The following WDR20 variants were observed in gnomAD, a reference collection of about 807,000 sequenced individuals.
WDR20 encodes the protein WD repeat-containing protein 20.
WDR20 carries 3 observed loss-of-function variants against 38.7 expected under a neutral mutation model. The observed-to-expected ratio is 0.08, with a 90% confidence interval of 0.04 to 0.20. The LOEUF is 0.20. Among genes scored for constraint, WDR20 ranks in the 10% least tolerant of loss-of-function variants. The pLI is 1.00. For missense variants in WDR20, 559 were observed against 727.7 expected, an observed-to-expected ratio of 0.77 and a Z score of 2.67; for synonymous variants, 298 against 285.6, an observed-to-expected ratio of 1.04 and a Z score of -0.44.
At chr14:102,178,053 A>G (rs1211817862) in intron 1 of WDR20, among the ~76,000 whole-genome samples, 1 of 152,078 alleles carries the variant, frequency 6.6e-6, no homozygotes, top group Admixed American at 6.6e-5. Flanking sequence ...ATGAGTTTGT[A>G]TCTTTTGTAG....
In WDR20 at chr14:102,207,142, T is replaced by TA. The variant is rs1315053862; in HGVS notation, c.433-1460dup. On this transcript the variant is annotated intron_variant, in intron 2 of 2. Coordinates refer to ENST00000342702, the MANE Select transcript of WDR20 (RefSeq NM_144574.4). This position sits in a 1 kb window ranked among gnomAD's most constrained non-coding sequence, Gnocchi z 5.0. ...TTTAAGAGGACCAGCCATGCCGTTT[T>TA]ACGGCAGTAAGCAGTGACACCTGCT... is the stretch of plus-strand genomic sequence containing the variant. Among the ~76,000 whole-genome samples the TA allele has an allele frequency of 6.6e-6, 1 of 152,242 alleles. No individual in the cohort carries two copies. The highest frequency in any genetic ancestry group is 1.5e-5 in the Non-Finnish European group (1 of 68,044).
chr14:102,195,687 T>C (rs1672841080), intron 2 of WDR20, among the ~76,000 whole-genome samples: 1 of 152,274 alleles, frequency 6.6e-6, no homozygotes, highest in Non-Finnish European at 1.5e-5. Flanking sequence ...CTGGGGTTTC[T>C]AGTATCTTCA....
chr14:102,163,991 G>A (rs1407940721), intron 1 of WDR20, among the ~76,000 whole-genome samples: 1 of 152,118 alleles, frequency 6.6e-6, no homozygotes, highest in Non-Finnish European at 1.5e-5. Flanking sequence ...GGCATTATTA[G>A]CTCAGCTAAT....
At chr14:102,167,261 G>A (rs1036396666) in intron 1 of WDR20, 1 of 152,166 alleles carries the variant, frequency 6.6e-6, no homozygotes, top group African/African-American at 2.4e-5. Context: ...CTTCCAGGCT[G>A]GAGTGCAGTG....
rs200682528 is a variant in WDR20 at position 102,222,928 on chromosome 14, G to A, written c.*45G>A. The A allele has an allele frequency of 1.2e-4, 190 of 1,612,302 alleles. No individual in the cohort carries two copies. In the African/African-American group the frequency reaches 2.4e-3, roughly 20 times the overall value. ...ACAGTCTCCCGGGACTTGGACTCGA[G>A]GGAGTGACGAGGAGGAGCTCCGAGC... On this transcript the variant is annotated 3_prime_UTR_variant, in exon 4 of 4. Coordinates refer to the WDR20 transcript ENST00000335263. The surrounding 1 kb of genome is among the most constrained non-coding windows in gnomAD (Gnocchi z 4.4).
intron 1 of WDR20, 42 bp downstream of exon 1, chr14:102,140,214 C>T (rs2050366814): frequency 6.2e-7 from 1 of 1,603,044 alleles, no homozygotes. Context: ...GCGGCGTAGG[C>T]AGAGGCCGGG....
downstream of WDR20, chr14:102,224,467 ATT>A: frequency 2.4e-6 from 1 of 410,670 alleles, no homozygotes; most frequent in Non-Finnish European, 4.8e-6. Flanking sequence ...AAGAATGTTT[ATT>A]TATTTTTTTA....
intron 1 of WDR20, among the ~76,000 whole-genome samples, chr14:102,183,068 GAGAA>G (rs2063742878): frequency 6.7e-6 from 1 of 150,152 alleles, no homozygotes; most frequent in Non-Finnish European, 1.5e-5. Flanking sequence ...CTCAGAGAGA[GAGAA>G]AAAAAAAGAA....
At chr14:102,197,875 T>TG (rs1167782494) in intron 2 of WDR20, 1 of 694,720 alleles carries the variant, frequency 1.4e-6, no homozygotes, top group African/African-American at 1.8e-5. Flanking sequence ...GAACTAGAGT[T>TG]GCGGCCATTG....
intron 1 of WDR20, among the ~76,000 whole-genome samples, chr14:102,170,092 A>T (rs2060513211): frequency 6.6e-6 from 1 of 152,210 alleles, no homozygotes; most frequent in African/African-American, 2.4e-5. Flanking sequence ...CCTTTATAAA[A>T]ATGCAAACTT....
intron 1 of WDR20, among the ~76,000 whole-genome samples, chr14:102,172,190 A>C (rs960221138): frequency 2.0e-5 from 3 of 151,120 alleles, no homozygotes; most frequent in African/African-American, 7.3e-5. Context: ...CTGAGTGGAC[A>C]CAGCACATGT....
chr14:102,224,177 GACTACA>G (rs2064155234), downstream of WDR20, among the ~76,000 whole-genome samples: 1 of 151,894 alleles, frequency 6.6e-6, no homozygotes, highest in African/African-American at 2.4e-5. Flanking sequence ...GAGTAGCTGG[GACTACA>G]GGCGCCCGCC....
chr14:102,195,810 T>C (rs2059317543), intron 2 of WDR20: 1 of 152,262 alleles, frequency 6.6e-6, no homozygotes, highest in Non-Finnish European at 1.5e-5. Flanking sequence ...TTAAAGCTGT[T>C]GGAGCATCTT....
At chr14:102,214,226 C>G, downstream of WDR20, 3 of 985,502 alleles carry the variant, frequency 3.0e-6, no homozygotes, top group Non-Finnish European at 3.6e-6. Flanking sequence ...GTCTACCACC[C>G]TGGCAGCAGC....
chr14:102,224,492 C>T (rs2064164774), downstream of WDR20: 1 of 441,888 alleles, frequency 2.3e-6, no homozygotes, highest in African/African-American at 2.0e-5. Context: ...AAATCATATA[C>T]AACTGGATCC....
rs111490098 is a variant in WDR20, at chr14:102,208,255, G to C, written c.433-348G>C. Among the ~76,000 whole-genome samples the C allele has an allele frequency of 1.3e-5, 2 of 152,322 alleles. No homozygotes were observed. Among genetic ancestry groups the C allele is most frequent in the African/African-American group, 4.8e-5 (2 of 41,580 alleles). On this transcript the variant is annotated intron_variant, in intron 2 of 2. Transcript: ENST00000342702. This position sits in a 1 kb window ranked among gnomAD's most constrained non-coding sequence, Gnocchi z 5.6. Reference sequence around the variant, plus strand: ...GCAGATGCAGTGACCCCCAGATTCAGATGCACCTACTGTCAAGGAAGAAAG... The same window carrying C: ...GCAGATGCAGTGACCCCCAGATTCACATGCACCTACTGTCAAGGAAGAAAG...
chr14:102,214,272 G>A (rs908848067), downstream of WDR20: 109 of 985,448 alleles, frequency 1.1e-4, no homozygotes, highest in African/African-American at 3.7e-4. Flanking sequence ...CACACCCTTC[G>A]CCACGGGCTG....
Position 102,209,965 on chromosome 14 carries a change from CACTTCTTATTCTTAATGT to C in WDR20, c.*87_*104del. Reference sequence around the variant, plus strand: ...TGGGGTGTACAATGAATGTGAATGACACTTCTTATTCTTAATGTAAATCTCAATGCATCAGAGCCATAA... The same window carrying C: ...TGGGGTGTACAATGAATGTGAATGACAAATCTCAATGCATCAGAGCCATAA... On this transcript the variant is annotated 3_prime_UTR_variant, in exon 3 of 3. Transcript: ENST00000342702. This position sits in a 1 kb window ranked among gnomAD's most constrained non-coding sequence, Gnocchi z 6.0. 1 of 1,498,568 alleles carries C rather than the reference CACTTCTTATTCTTAATGT, an allele frequency of 6.7e-7. No individual in the cohort carries two copies. The highest frequency in any genetic ancestry group is 1.4e-5 in the South Asian group (1 of 72,150). 92.8% of individuals were successfully genotyped at this position (1,498,568 alleles called of 1,614,324 possible).
rs1245400507 is a variant in WDR20, at chr14:102,209,775, A to G, written c.1605A>G (p.Arg535=). The G allele has an allele frequency of 6.2e-7, 1 of 1,614,008 alleles. No homozygotes were observed. The highest frequency in any genetic ancestry group is 8.5e-7 in the Non-Finnish European group (1 of 1,180,030). ...PLICKKIAHE[R]LTVLIFLEDC... ...TATGTAAAAAGATAGCACATGAGAGACTGACTGTACTAATATTTCTTGAAG... is the reference window on the plus strand; with the variant it reads ...TATGTAAAAAGATAGCACATGAGAGGCTGACTGTACTAATATTTCTTGAAG... Residue 535 remains arginine, a synonymous_variant, in exon 3 of 3, where the codon AGA becomes AGG. Coordinates refer to ENST00000342702, the MANE Select transcript of WDR20 (RefSeq NM_144574.4). The surrounding 1 kb of genome is among the most constrained non-coding windows in gnomAD (Gnocchi z 6.0).
Sources: gnomAD v4.1 joint callset for allele counts (sites outside exome capture counted in the v4.1 genomes callset) on GRCh38, gnomAD v4.1.1 for gene constraint, Gnocchi (gnomAD v3.1) non-coding constraint, MANE v1.5 for transcripts, NCBI Gene and HGNC (gene_info 2026-07-23, HGNC 2026-07-21) for gene names.